Variants in BPTF observed in about 807,000 individuals in gnomAD.
BPTF encodes nucleosome-remodeling factor subunit BPTF.
Under a neutral mutation model 292.5 loss-of-function variants are expected in BPTF, and 18 were observed. That is an observed-to-expected ratio of 0.06 (90% CI 0.04 to 0.09). The LOEUF (loss-of-function observed/expected upper bound fraction) is 0.09. Among genes scored for constraint, BPTF ranks in the 10% least tolerant of loss-of-function variants. The probability of loss-of-function intolerance (pLI) is 1.00; values close to 1 mark genes in which losing one functional copy is unlikely to be tolerated. For synonymous variants in BPTF, 1,225 were observed against 1,251.9 expected, an observed-to-expected ratio of 0.98 and a Z score of 0.45; for missense variants, 2,726 against 3,498.7, an observed-to-expected ratio of 0.78 and a Z score of 5.57.
chr17:67,902,270 C>T (rs1226526517), intron 7 of BPTF, among the ~76,000 whole-genome samples: 1 of 152,180 alleles, frequency 6.6e-6, no homozygotes, highest in East Asian at 1.9e-4. Flanking sequence ...GTGCTCCATT[C>T]CTGGCCTCTC....
At chr17:67,976,685 CAA>C (rs1156404121) in intron 27 of BPTF, among the ~76,000 whole-genome samples, 2,454 of 24,586 alleles carry the variant, frequency 0.1, 70 homozygotes, top group African/African-American at 0.16. Context: ...GACCCTGTCT[CAA>C]AAAAAAAAAA....
At chr17:67,900,500 C>A (rs1299823873) in intron 7 of BPTF, among the ~76,000 whole-genome samples, 2 of 151,364 alleles carry the variant, frequency 1.3e-5, no homozygotes, top group Non-Finnish European at 1.5e-5. Flanking sequence ...GGAGGTGAAG[C>A]GGGAGGATTG....
At chr17:67,919,171 C>CAAA (rs1401864917) in intron 12 of BPTF, among the ~76,000 whole-genome samples, 4 of 105,656 alleles carry the variant, frequency 3.8e-5, no homozygotes, top group African/African-American at 1.5e-4. Flanking sequence ...GACTCTGTCT[C>CAAA]AAAATAATAA....
At chr17:67,964,002 C>G (rs1170908192) in intron 24 of BPTF, among the ~76,000 whole-genome samples, 3 of 152,146 alleles carry the variant, frequency 2.0e-5, no homozygotes, top group Non-Finnish European at 4.4e-5. Context: ...TCCAGTATTA[C>G]ACAGTGTTCT....
intron 3 of BPTF, among the ~76,000 whole-genome samples, chr17:67,871,335 G>A (rs939331762): frequency 3.3e-5 from 5 of 151,312 alleles, no homozygotes; most frequent in Admixed American, 2.6e-4. Flanking sequence ...CTAGCTACTC[G>A]GGAAGCTGAG....
intron 15 of BPTF, among the ~76,000 whole-genome samples, chr17:67,926,481 C>T (rs1433271589): frequency 2.0e-5 from 3 of 151,682 alleles, no homozygotes; most frequent in Admixed American, 6.6e-5. Flanking sequence ...CCCGCCACCA[C>T]GCCTGGCTAA....
At position 67,945,650 on chromosome 17, in the gene BPTF, A is replaced by G. The variant is rs2065752970; in HGVS notation, c.6942A>G (p.Gln2314=). The G allele has an allele frequency of 2.5e-6, 4 of 1,613,874 alleles. No individual in the cohort carries two copies. In the South Asian group the frequency reaches 4.4e-5, roughly 18 times the overall value. ...TVSSHVPSEA[Q]PTHAQSSKPQ... is the part of the protein sequence containing the mutation. ...CATCCCATGTCCCTTCTGAAGCACA[A>G]CCCACCCACGCACAGTCATCCAAGC... The change falls in exon 21 of 28, where the codon CAA becomes CAG. Residue 2314 remains glutamine, a synonymous_variant. Coordinates refer to ENST00000306378, the MANE Select transcript of BPTF (RefSeq NM_182641.4).
At chr17:67,964,491 T>C (rs1243237918) in intron 25 of BPTF, 87 bp downstream of exon 25, 6 of 1,417,584 alleles carry the variant, frequency 4.2e-6, no homozygotes, top group Non-Finnish European at 5.7e-6. Flanking sequence ...TTTCCAATCT[T>C]AGAATGATTA....
intron 18 of BPTF, among the ~76,000 whole-genome samples, chr17:67,934,924 A>G (rs2147662915): frequency 6.6e-6 from 1 of 150,982 alleles, no homozygotes; most frequent in South Asian, 2.1e-4. Flanking sequence ...TTTTAAGTTA[A>G]AGATACATCA....
intron 20 of BPTF, chr17:67,944,636 T>C: frequency 2.0e-6 from 1 of 493,754 alleles, no homozygotes; most frequent in Non-Finnish European, 3.7e-6. Flanking sequence ...TTGGTAACTA[T>C]GCCCACACTT....
intron 17 of BPTF, among the ~76,000 whole-genome samples, chr17:67,930,988 C>T (rs374809788): frequency 3.3e-5 from 5 of 150,974 alleles, no homozygotes; most frequent in South Asian, 2.1e-4. Flanking sequence ...TTAGCTGGGC[C>T]GGATGCGGTG....
Position 67,913,123 on chromosome 17 carries a change from G to A in BPTF, c.5239G>A (p.Ala1747Thr). Reference protein sequence around the residue: ...IREVPYFNYNAKPALDIWPYP... With the variant: ...IREVPYFNYNTKPALDIWPYP... Reference sequence around the variant, plus strand: ...AGAGGTCCCTTATTTTAATTACAATGCAAAACCTGCTTTGGATATATGGCC... The same window carrying A: ...AGAGGTCCCTTATTTTAATTACAATACAAAACCTGCTTTGGATATATGGCC... Residue 1747 changes from alanine to threonine, a missense_variant, in exon 11 of 28, where the codon GCA (alanine) becomes ACA (threonine). Physicochemically the swap from Ala to Thr is moderately conservative, Grantham distance 58. This residue lies in a region of BPTF where 36 missense variants were observed against 34.7 expected (regional missense o/e 1.04). Coordinates refer to ENST00000306378, the MANE Select transcript of BPTF (RefSeq NM_182641.4). 6.2e-7 allele frequency: 1 copy of A among 1,614,090 alleles called. No homozygotes were observed. The highest frequency in any genetic ancestry group is 2.2e-5 in the East Asian group (1 of 44,882).
intron 9 of BPTF, among the ~76,000 whole-genome samples, chr17:67,907,182 C>G (rs993243960): frequency 7.8e-6 from 1 of 127,578 alleles, no homozygotes; most frequent in African/African-American, 2.8e-5. Flanking sequence ...AAGACACTGT[C>G]TCCAAAAAAA....
At chr17:67,979,742 G>A (rs1436403398) in intron 27 of BPTF, among the ~76,000 whole-genome samples, 2 of 151,918 alleles carry the variant, frequency 1.3e-5, no homozygotes, top group Non-Finnish European at 2.9e-5. Context: ...AGAAATAGCA[G>A]TATAAGAAAT....
Position 67,982,278 on chromosome 17 carries a change from C to T in BPTF, c.8753C>T (p.Thr2918Ile). The part of the protein sequence containing the change: ...SRSHNNKLQS[T>I]AS ...TCTCATAACAACAAACTGCAGTCTA[C>T]AGCTTCTTAAAGTTCAGCGTGTTAA... is the stretch of plus-strand genomic sequence containing the variant. Residue 2918 changes from threonine to isoleucine, a missense_variant, in exon 28 of 28, where the codon ACA becomes ATA. By Grantham distance (89) the Thr-to-Ile change is moderately conservative. Transcript: ENST00000306378. The T allele has an allele frequency of 1.2e-6, 2 of 1,611,486 alleles. No individual in the cohort carries two copies. Among genetic ancestry groups the T allele is most frequent in the South Asian group, 1.1e-5 (1 of 90,892 alleles).
intron 1 of BPTF, among the ~76,000 whole-genome samples, chr17:67,848,201 G>T (rs947687140): frequency 6.6e-6 from 1 of 151,426 alleles, no homozygotes; most frequent in African/African-American, 2.4e-5. Flanking sequence ...TACAATAAAT[G>T]TAGGGGTCAA....
intron 2 of BPTF, among the ~76,000 whole-genome samples, chr17:67,863,849 T>G (rs1015965203): frequency 6.6e-5 from 10 of 152,244 alleles, no homozygotes; most frequent in African/African-American, 2.2e-4. Flanking sequence ...TGAAACTTAC[T>G]GTGAGTCATT....
At chr17:67,899,549 T>TG (rs990598264) in intron 7 of BPTF, among the ~76,000 whole-genome samples, 2 of 151,212 alleles carry the variant, frequency 1.3e-5, no homozygotes, top group African/African-American at 4.9e-5. Context: ...TTTTTTTTTT[T>TG]GAGACAGAAT....
At chr17:67,958,977 T>G (rs2067210092) in intron 23 of BPTF, among the ~76,000 whole-genome samples, 1 of 152,082 alleles carries the variant, frequency 6.6e-6, no homozygotes, top group African/African-American at 2.4e-5. Context: ...GAAAAGAAAG[T>G]TATCTTTTAA....
Sources: allele counts gnomAD v4.1 joint callset (sites outside exome capture counted in the v4.1 genomes callset), GRCh38; gene constraint gnomAD v4.1.1; regional missense constraint gnomAD v4.1.1; transcripts MANE v1.5; gene names NCBI Gene and HGNC (gene_info 2026-07-23, HGNC 2026-07-21).